The following CPNE5 variants were observed in gnomAD, a reference collection of about 807,000 sequenced individuals.
The protein encoded by CPNE5 is copine 5, also known as copine-5.
A neutral mutation model predicts 81.1 loss-of-function variants in CPNE5; 42 were observed. That is an observed-to-expected ratio of 0.52 (90% CI 0.40 to 0.67). The LOEUF is 0.67. Among genes scored for constraint, CPNE5 ranks in the 30% least tolerant of loss-of-function variants. The probability of loss-of-function intolerance (pLI) is 0.00; values close to 1 mark genes in which losing one functional copy is unlikely to be tolerated. For missense variants in CPNE5, 612 were observed against 815.5 expected (o/e 0.75, Z 3.04); for synonymous variants, 313 against 321.5 (o/e 0.97, Z 0.28).
intron 10 of CPNE5, 24 bp downstream of exon 10, chr6:36,774,937 A>G (rs773142143): frequency 6.3e-7 from 1 of 1,584,482 alleles, no homozygotes; most frequent in South Asian, 1.1e-5. Flanking sequence ...GAAGGAAAAA[A>G]GAAGGGACAT....
intron 8 of CPNE5, 103 bp downstream of exon 8, chr6:36,791,930 G>T: frequency 1.0e-6 from 1 of 979,008 alleles, no homozygotes; most frequent in East Asian, 2.4e-5. Context: ...AGCATCAGGA[G>T]CCCTGTCTAC....
chr6:36,787,101 T>A (rs1405066923), intron 8 of CPNE5, among the ~76,000 whole-genome samples: 1 of 152,174 alleles, frequency 6.6e-6, no homozygotes, highest in East Asian at 1.9e-4. Flanking sequence ...CTCTCCTATG[T>A]ATCAACCTGC....
intron 1 of CPNE5, among the ~76,000 whole-genome samples, chr6:36,833,368 C>T (rs543045650): frequency 3.9e-5 from 6 of 152,346 alleles, no homozygotes; most frequent in African/African-American, 7.2e-5. Flanking sequence ...GTGGCACACA[C>T]GTCTGTATAA....
At position 36,794,620 on chromosome 6, in the gene CPNE5, G is replaced by C. The variant is rs368707119; in HGVS notation, c.434C>G (p.Thr145Arg). 2 of 1,614,116 alleles carry C rather than the reference G, an allele frequency of 1.2e-6. No homozygotes were observed. Among genetic ancestry groups the C allele is most frequent in the Admixed American group, 3.3e-5 (2 of 60,018 alleles). Reference sequence around the variant, plus strand: ...GGACACAGCTGGCATGGGTTTGCCCGTCCTGGAATTCAGGCTGAATGCGCC... The same window carrying C: ...GGACACAGCTGGCATGGGTTTGCCCCTCCTGGAATTCAGGCTGAATGCGCC... ...TIGAFSLNSRTGKPMPAVSNG... is the reference protein window; with the variant it reads ...TIGAFSLNSRRGKPMPAVSNG... Residue 145 changes from threonine (T) to arginine (R), a missense_variant, in exon 7 of 21, where the codon ACG becomes AGG. Thr to Arg is a moderately conservative substitution (Grantham distance 71). Coordinates refer to ENST00000244751, the MANE Select transcript of CPNE5 (RefSeq NM_020939.2).
chr6:36,742,487 C>G lies in CPNE5; in HGVS notation c.1564-1G>C. 6.2e-7 allele frequency: 1 copy of G among 1,609,956 alleles called. No homozygotes were observed. The highest frequency in any genetic ancestry group is 8.5e-7 in the Non-Finnish European group (1 of 1,178,742). On this transcript the variant is annotated splice_acceptor_variant, in intron 20 of 20. Transcript: ENST00000244751. LOFTEE classifies it high-confidence loss of function. The stretch of plus-strand genomic sequence containing the variant: ...CCACGTAGTCCCGGAAGGGTACAAA[C>G]TGGCAAGTGGGAGGGCAGGGTCAGG...
At chr6:36,827,552 C>A in intron 1 of CPNE5, 5 of 985,320 alleles carry the variant, frequency 5.1e-6, no homozygotes, top group Non-Finnish European at 4.8e-6. Context: ...GTTGAGACAC[C>A]GTCTCTTAGG....
chr6:36,743,727 A>C lies in CPNE5; in HGVS notation c.1525T>G (p.Ser509Ala). The C allele has an allele frequency of 6.2e-7, 1 of 1,613,130 alleles. No homozygotes were observed. Among genetic ancestry groups the C allele is most frequent in the Non-Finnish European group, 8.5e-7 (1 of 1,179,986 alleles). The change falls in exon 20 of 21, where the codon TCC (serine) becomes GCC (alanine). Residue 509 changes from serine (S) to alanine (A), a missense_variant. Coordinates refer to ENST00000244751, the MANE Select transcript of CPNE5 (RefSeq NM_020939.2). ...CGTTCAGCCAGCTTCCCCCGGGAGG[A>C]GATCCGCACGTCGTCGCCATCCAGC... ...VELDGDDVRI[S>A]SRGKLAERDI...
rs529972398 is a variant in CPNE5 at position 36,822,480 on chromosome 6, T to G, written c.137-320A>C. On this transcript the variant is annotated intron_variant, in intron 2 of 20. Transcript: ENST00000244751. ...CCTTTAGGAGAAGGGTCGGCACCAT[T>G]GCCTTCTAGGCTACAGCAAGGGTCT... is the stretch of plus-strand genomic sequence containing the variant. 2.6e-5 allele frequency among the ~76,000 whole-genome samples: 4 copies of G among 152,256 alleles called. No individual in the cohort carries two copies. The South Asian group carries it at 6.2e-4, about 24-fold the overall frequency.
At chr6:36,809,733 C>G (rs2150557444) in intron 3 of CPNE5, among the ~76,000 whole-genome samples, 1 of 152,150 alleles carries the variant, frequency 6.6e-6, no homozygotes, top group Non-Finnish European at 1.5e-5. Flanking sequence ...GGGGGCTGTT[C>G]TGACCACGGT....
chr6:36,834,847 C>A (rs1416413400), intron 1 of CPNE5, among the ~76,000 whole-genome samples: 1 of 152,064 alleles, frequency 6.6e-6, no homozygotes, highest in Non-Finnish European at 1.5e-5. Context: ...ACAGCTGCCG[C>A]CCTCCCCCAG....
chr6:36,833,606 T>C (rs985132624), intron 1 of CPNE5, among the ~76,000 whole-genome samples: 5 of 152,216 alleles, frequency 3.3e-5, no homozygotes, highest in Non-Finnish European at 7.3e-5. Flanking sequence ...GGGTGGACTC[T>C]AGGAGCTGAG....
At position 36,745,522 on chromosome 6, in the gene CPNE5, G is replaced by C; in HGVS notation, c.1201-7C>G. The C allele has an allele frequency of 6.3e-7, 1 of 1,598,248 alleles. No homozygotes were observed. The highest frequency in any genetic ancestry group is 8.5e-7 in the Non-Finnish European group (1 of 1,172,562). On this transcript the variant is annotated splice_region_variant and splice_polypyrimidine_tract_variant and intron_variant, in intron 16 of 20. Transcript: ENST00000244751. ...GGTTCTCCTGGTTGCCATTCTGGGG[G>C]ACAGAGGGCAGGGAGGCTGAGCCCA...
intron 10 of CPNE5, among the ~76,000 whole-genome samples, chr6:36,769,983 T>A (rs1051674123): frequency 6.6e-6 from 1 of 152,196 alleles, no homozygotes; most frequent in East Asian, 1.9e-4. Flanking sequence ...AGCATCAAGG[T>A]GTGAGCAGCC....
At chr6:36,785,804 G>A (rs146017282) in intron 8 of CPNE5, among the ~76,000 whole-genome samples, 1,805 of 152,252 alleles carry the variant, frequency 0.012, 39 homozygotes, top group African/African-American at 0.037. Context: ...CTTGAGGCCA[G>A]GAGTTCAAAA....
chr6:36,790,844 CA>C (rs946984448), intron 8 of CPNE5, among the ~76,000 whole-genome samples: 2 of 151,274 alleles, frequency 1.3e-5, no homozygotes, highest in Admixed American at 6.6e-5. Context: ...TGCCCGGCCC[CA>C]AAAAAAATGC....
At chr6:36,807,884 C>G (rs558083281) in intron 3 of CPNE5, among the ~76,000 whole-genome samples, 2 of 152,264 alleles carry the variant, frequency 1.3e-5, no homozygotes, top group South Asian at 4.1e-4. Flanking sequence ...CTAAGGTTTT[C>G]TTAGAGACCT....
intron 14 of CPNE5, among the ~76,000 whole-genome samples, chr6:36,749,830 TAA>T (rs1279064226): frequency 1.3e-5 from 2 of 152,204 alleles, no homozygotes; most frequent in African/African-American, 4.8e-5. Context: ...ACGTTTTCTA[TAA>T]TAAAAAGTTA....
At chr6:36,798,033 G>T in intron 6 of CPNE5, 132 bp downstream of exon 6, 2 of 673,296 alleles carry the variant, frequency 3.0e-6, no homozygotes, top group Non-Finnish European at 5.3e-6. Flanking sequence ...GAGGCATGGG[G>T]TCTCTTTATT....
chr6:36,821,654 G>C (rs1772062594), intron 3 of CPNE5, among the ~76,000 whole-genome samples: 1 of 152,152 alleles, frequency 6.6e-6, no homozygotes. Flanking sequence ...GTGGGTTTTG[G>C]AGCCGGGACT....
Sources: gnomAD v4.1 joint callset for allele counts (sites outside exome capture counted in the v4.1 genomes callset) on GRCh38, gnomAD v4.1.1 for gene constraint, MANE v1.5 for transcripts, NCBI Gene and HGNC (gene_info 2026-07-23, HGNC 2026-07-21) for gene names.